RALYL: variants seen among roughly 807,000 people sequenced by gnomAD.
The protein encoded by RALYL is RALY RNA binding protein like.
In RALYL, 29 loss-of-function variants were observed where a neutral mutation model predicts 35.1. That is an observed-to-expected ratio of 0.83 (90% CI 0.61 to 1.13). The LOEUF is 1.13. Among genes scored for constraint, RALYL ranks in the 50% most tolerant of loss-of-function variants. The pLI is 0.00. For missense variants in RALYL, 359 were observed against 360.4 expected, an observed-to-expected ratio of 1.00 and a Z score of 0.03; for synonymous variants, 120 against 127.6, an observed-to-expected ratio of 0.94 and a Z score of 0.40.
chr8:84,822,174 A>G (rs1295845543), intron 4 of RALYL, among the ~76,000 whole-genome samples: 1 of 152,162 alleles, frequency 6.6e-6, no homozygotes, highest in Admixed American at 6.6e-5. Context: ...TTATAGCCCA[A>G]TTGGATACTA....
intron 2 of RALYL, among the ~76,000 whole-genome samples, chr8:84,732,697 C>CACACACAT (rs1563469493): frequency 1.1e-5 from 1 of 93,436 alleles, no homozygotes; most frequent in African/African-American, 5.5e-5. Flanking sequence ...CACACACACA[C>CACACACAT]ATATATATAA....
At chr8:84,417,535 T>C (rs2044857824) in intron 1 of RALYL, among the ~76,000 whole-genome samples, 1 of 152,064 alleles carries the variant, frequency 6.6e-6, no homozygotes, top group African/African-American at 2.4e-5. Flanking sequence ...TATAGTCTTT[T>C]TTTTTTTCTT....
intron 1 of RALYL, among the ~76,000 whole-genome samples, chr8:84,295,713 T>C (rs903777725): frequency 1.3e-5 from 2 of 152,180 alleles, no homozygotes; most frequent in Non-Finnish European, 2.9e-5. Flanking sequence ...CTGTCCTGTA[T>C]TGAAGCTTGC....
intron 1 of RALYL, among the ~76,000 whole-genome samples, chr8:84,289,547 T>A (rs1448285936): frequency 3.9e-5 from 6 of 152,128 alleles, no homozygotes; most frequent in South Asian, 4.1e-4. Flanking sequence ...ATTTTTTTTT[T>A]ATTTATCTCC....
chr8:84,721,205 TAA>T (rs60532946), intron 2 of RALYL, among the ~76,000 whole-genome samples: 1 of 145,342 alleles, frequency 6.9e-6, no homozygotes, highest in Non-Finnish European at 1.5e-5. Context: ...CTATCTCTAT[TAA>T]AAAAAAAAAG....
At chr8:84,763,318 C>A (rs993441685) in intron 2 of RALYL, among the ~76,000 whole-genome samples, 1 of 152,086 alleles carries the variant, frequency 6.6e-6, no homozygotes, top group Non-Finnish European at 1.5e-5. Flanking sequence ...CTGATGATCC[C>A]GACTTTCTGT....
chr8:84,376,631 A>G (rs1301460067), intron 1 of RALYL, among the ~76,000 whole-genome samples: 1 of 151,876 alleles, frequency 6.6e-6, no homozygotes, highest in African/African-American at 2.4e-5. Flanking sequence ...AAATTTGATT[A>G]CTAGATGGAA....
At chr8:84,412,398 T>C (rs1207221912) in intron 1 of RALYL, among the ~76,000 whole-genome samples, 2 of 151,952 alleles carry the variant, frequency 1.3e-5, no homozygotes, top group African/African-American at 4.8e-5. Context: ...ATCTATGTTC[T>C]TTACGTGAAA....
chr8:84,408,365 A>G (rs2043761979), intron 1 of RALYL, among the ~76,000 whole-genome samples: 1 of 152,220 alleles, frequency 6.6e-6, no homozygotes, highest in Non-Finnish European at 1.5e-5. Flanking sequence ...TTCAGTAAAT[A>G]GAAAAACTCT....
chr8:84,629,690 G>A (rs901019214), intron 2 of RALYL, among the ~76,000 whole-genome samples: 1 of 151,946 alleles, frequency 6.6e-6, no homozygotes, highest in Non-Finnish European at 1.5e-5. Flanking sequence ...ATATTTGTGT[G>A]TGTGTATATA....
At chr8:84,540,222 T>C (rs549579202) in intron 2 of RALYL, among the ~76,000 whole-genome samples, 114 of 151,960 alleles carry the variant, frequency 7.5e-4, no homozygotes, top group African/African-American at 2.7e-3. Context: ...TATTCTAGAA[T>C]AATATTGAAG....
intron 3 of RALYL, among the ~76,000 whole-genome samples, chr8:84,779,245 T>A (rs753595307): frequency 6.6e-6 from 1 of 152,230 alleles, no homozygotes; most frequent in African/African-American, 2.4e-5. Flanking sequence ...CAACTTTCAA[T>A]TAATGCTCAA....
At chr8:84,674,522 A>C (rs186246635) in intron 2 of RALYL, among the ~76,000 whole-genome samples, 1 of 151,974 alleles carries the variant, frequency 6.6e-6, no homozygotes, top group African/African-American at 2.4e-5. Flanking sequence ...CCTATCTTTC[A>C]ACATTACTCT....
At position 84,800,899 on chromosome 8, in the gene RALYL, C is replaced by T. The variant is rs192447676; in HGVS notation, c.333-3871C>T. Among the ~76,000 whole-genome samples, 14 of 152,132 alleles carry T rather than the reference C, an allele frequency of 9.2e-5. No individual in the cohort carries two copies. In the East Asian group the frequency reaches 1.2e-3, roughly 13 times the overall value. On this transcript the variant is annotated intron_variant, in intron 3 of 8. Transcript: ENST00000521268. ...AGAATTAACCTGTTTCTGGTATGGTCGTGACCATCAGGATCCACTCTGCCA... is the reference window on the plus strand; with the variant it reads ...AGAATTAACCTGTTTCTGGTATGGTTGTGACCATCAGGATCCACTCTGCCA...
intron 1 of RALYL, among the ~76,000 whole-genome samples, chr8:84,450,476 T>A (rs753091186): frequency 3.8e-4 from 57 of 151,950 alleles, no homozygotes; most frequent in Middle Eastern, 3.2e-3. Flanking sequence ...TATGTCTGAT[T>A]GCTAATTACC....
intron 6 of RALYL, among the ~76,000 whole-genome samples, chr8:84,872,286 C>T (rs1840330964): frequency 6.6e-6 from 1 of 152,108 alleles, no homozygotes; most frequent in African/African-American, 2.4e-5. Flanking sequence ...GGATTAAATG[C>T]TCGTGTCACT....
intron 2 of RALYL, among the ~76,000 whole-genome samples, chr8:84,736,971 AC>A (rs1300749206): frequency 4.6e-5 from 7 of 152,054 alleles, no homozygotes; most frequent in Non-Finnish European, 7.4e-5. Flanking sequence ...TAATATTACT[AC>A]TAAAATAATG....
At chr8:84,428,891 A>G (rs2046839808) in intron 1 of RALYL, among the ~76,000 whole-genome samples, 1 of 152,220 alleles carries the variant, frequency 6.6e-6, no homozygotes, top group Non-Finnish European at 1.5e-5. Context: ...CTTATAATTT[A>G]TAAACCACCT....
chr8:84,526,343 T>G (rs2058897245), intron 1 of RALYL, among the ~76,000 whole-genome samples: 1 of 152,168 alleles, frequency 6.6e-6, no homozygotes, highest in South Asian at 2.1e-4. Flanking sequence ...AAGCCTTGTT[T>G]TCAACTTTTG....
Sources: allele counts gnomAD v4.1 joint callset (sites outside exome capture counted in the v4.1 genomes callset), GRCh38; gene constraint gnomAD v4.1.1; transcripts MANE v1.5; gene names NCBI Gene and HGNC (gene_info 2026-07-23, HGNC 2026-07-21).